Variants in ANGPT1 observed in about 807,000 individuals in gnomAD.
ANGPT1 encodes the protein angiopoietin-1.
In ANGPT1, 17 loss-of-function variants were observed where a neutral mutation model predicts 62.2. The observed-to-expected ratio is 0.27, with a 90% CI of 0.19 to 0.41. ANGPT1 has a LOEUF of 0.41. Ranked by LOEUF, ANGPT1 falls within the 10% of genes least tolerant of loss-of-function variation. The pLI is 1.00. For synonymous variants in ANGPT1, 199 were observed against 198.9 expected (o/e 1.00, Z 0.00); for missense variants, 478 against 594.9 (o/e 0.80, Z 2.04).
At chr8:107,394,789 T>C (rs1354351302) in intron 1 of ANGPT1, among the ~76,000 whole-genome samples, 1 of 152,164 alleles carries the variant, frequency 6.6e-6, no homozygotes, top group Non-Finnish European at 1.5e-5. Flanking sequence ...ATATTTATAT[T>C]GGATTACATT....
At chr8:107,494,190 A>G (rs1436618420) in intron 1 of ANGPT1, among the ~76,000 whole-genome samples, 1 of 152,226 alleles carries the variant, frequency 6.6e-6, no homozygotes, top group Non-Finnish European at 1.5e-5. Flanking sequence ...ATCTTAGAAC[A>G]TTATACATAT....
intron 1 of ANGPT1, among the ~76,000 whole-genome samples, chr8:107,389,977 C>T (rs553473856): frequency 3.0e-4 from 45 of 149,470 alleles, no homozygotes; most frequent in South Asian, 1.1e-3. Context: ...TCTTTGAGAG[C>T]ACAAAATTGG....
intron 4 of ANGPT1, among the ~76,000 whole-genome samples, chr8:107,310,970 AGTGT>A (rs1331105673): frequency 1.9e-5 from 2 of 103,346 alleles, no homozygotes; most frequent in African/African-American, 4.4e-5. Flanking sequence ...TGTGTGTATG[AGTGT>A]GTATGTGAGT....
chr8:107,320,822 A>G (rs765027311), intron 4 of ANGPT1, among the ~76,000 whole-genome samples: 9 of 152,152 alleles, frequency 5.9e-5, no homozygotes, highest in Non-Finnish European at 1.2e-4. Flanking sequence ...TATCTTCCCT[A>G]TTCATAACTA....
At chr8:107,336,070 ATTTG>A (rs1301953228) in intron 3 of ANGPT1, 76 bp downstream of exon 3, 3 of 1,363,226 alleles carry the variant, frequency 2.2e-6, no homozygotes, top group Admixed American at 5.8e-5. Context: ...CCTCAACCTT[ATTTG>A]TTTAAGAGTT....
intron 1 of ANGPT1, among the ~76,000 whole-genome samples, chr8:107,452,040 A>G (rs915326592): frequency 1.2e-4 from 18 of 151,726 alleles, no homozygotes; most frequent in African/African-American, 4.4e-4. Context: ...GTTCGTGTGT[A>G]CATGTGTATG....
intron 7 of ANGPT1, among the ~76,000 whole-genome samples, chr8:107,272,483 A>T (rs1212604014): frequency 6.6e-6 from 1 of 152,042 alleles, no homozygotes; most frequent in Admixed American, 6.6e-5. Flanking sequence ...AATTTAGATA[A>T]AATGAGCTTA....
At chr8:107,434,812 C>T (rs1213638659) in intron 1 of ANGPT1, among the ~76,000 whole-genome samples, 1 of 152,024 alleles carries the variant, frequency 6.6e-6, no homozygotes, top group African/African-American at 2.4e-5. Context: ...AATGGTTTTT[C>T]CCTGAAAGTG....
chr8:107,317,169 T>C (rs1181068697), intron 4 of ANGPT1, among the ~76,000 whole-genome samples: 3 of 152,258 alleles, frequency 2.0e-5, no homozygotes, highest in Middle Eastern at 6.8e-3. Flanking sequence ...TTCTGAAAAA[T>C]AATTGTTTAC....
intron 5 of ANGPT1, among the ~76,000 whole-genome samples, chr8:107,299,826 T>C (rs1289794724): frequency 1.5e-4 from 14 of 90,402 alleles, no homozygotes; most frequent in Non-Finnish European, 2.2e-4. Context: ...TATCTAGATA[T>C]GTAGTTATAT....
intron 4 of ANGPT1, among the ~76,000 whole-genome samples, chr8:107,305,093 C>T (rs778182057): frequency 5.9e-5 from 9 of 151,906 alleles, no homozygotes; most frequent in Non-Finnish European, 1.2e-4. Flanking sequence ...TCTAACTTTA[C>T]GGACTGCTAT....
intron 1 of ANGPT1, among the ~76,000 whole-genome samples, chr8:107,452,243 A>T (rs1811796887): frequency 6.6e-6 from 1 of 151,582 alleles, no homozygotes; most frequent in South Asian, 2.1e-4. Context: ...CTAAATAATA[A>T]AATGAAATTA....
intron 1 of ANGPT1, among the ~76,000 whole-genome samples, chr8:107,495,789 A>C (rs1240875953): frequency 6.6e-6 from 1 of 152,178 alleles, no homozygotes; most frequent in Non-Finnish European, 1.5e-5. Flanking sequence ...ATAAACTACT[A>C]CTGAAAGTAA....
chr8:107,366,631 T>C (rs1422707436), intron 1 of ANGPT1, among the ~76,000 whole-genome samples: 1 of 152,182 alleles, frequency 6.6e-6, no homozygotes, highest in Non-Finnish European at 1.5e-5. Flanking sequence ...TTGTTACTTA[T>C]AAACACTTCA....
intron 1 of ANGPT1, among the ~76,000 whole-genome samples, chr8:107,377,654 C>G (rs1411219611): frequency 6.6e-6 from 1 of 152,192 alleles, no homozygotes; most frequent in East Asian, 1.9e-4. Flanking sequence ...GCTTCAGAGC[C>G]TACCTTGTGA....
rs1563537278 is a variant in ANGPT1, at chr8:107,257,886, TG to T, written c.1337-5872del. Among the ~76,000 whole-genome samples, 343 of 103,310 alleles carry T rather than the reference TG, an allele frequency of 3.3e-3. 7 individuals are homozygous for T. The highest frequency in any genetic ancestry group is 6.4e-3 in the Middle Eastern group (1 of 156). The allele number at this position is 103,310 out of a possible 152,430, so 67.8% of individuals were successfully genotyped here. ...CAAGGACTTGTTTTTGTTTCTTTTT[TG>T]TTTGTTTGTTTGTTTGTTTGTTTTT... is the stretch of plus-strand genomic sequence containing the variant. On this transcript the variant is annotated intron_variant, in intron 8 of 8. Transcript: ENST00000517746.
intron 1 of ANGPT1, among the ~76,000 whole-genome samples, chr8:107,445,026 G>A (rs748293189): frequency 6.6e-6 from 1 of 152,092 alleles, no homozygotes; most frequent in Middle Eastern, 3.2e-3. Context: ...ATTAGAATCC[G>A]CACTTCACCC....
intron 4 of ANGPT1, among the ~76,000 whole-genome samples, chr8:107,319,400 G>A (rs1251120844): frequency 6.6e-6 from 1 of 152,048 alleles, no homozygotes; most frequent in Non-Finnish European, 1.5e-5. Flanking sequence ...TTTGGATGAC[G>A]ACACAGCTCG....
Position 107,250,215 on chromosome 8 carries a change from A to T in ANGPT1, c.*1640T>A, listed in dbSNP as rs1390572537. The stretch of plus-strand genomic sequence containing the variant: ...CCAGTAGCTTTATTTCAATTTTCTC[A>T]TCCCATAGTGACTCATGTTTTAATA... On this transcript the variant is annotated 3_prime_UTR_variant, in exon 9 of 9. Coordinates refer to ENST00000517746, the MANE Select transcript of ANGPT1 (RefSeq NM_001146.5). 6.6e-6 allele frequency: 1 copy of T among 152,104 alleles called. No individual in the cohort carries two copies. The highest frequency in any genetic ancestry group is 1.5e-5 in the Non-Finnish European group (1 of 67,996). 9.4% of individuals were successfully genotyped at this position (152,104 alleles called of 1,614,324 possible). A position where few individuals can be genotyped will look rare whatever the true frequency, so the allele number is the denominator to read the frequency against.
Sources: allele counts gnomAD v4.1 joint callset (sites outside exome capture counted in the v4.1 genomes callset), GRCh38; gene constraint gnomAD v4.1.1; transcripts MANE v1.5; gene names NCBI Gene and HGNC (gene_info 2026-07-23, HGNC 2026-07-21).